The following NBDY variants were observed in gnomAD, a reference collection of about 807,000 sequenced individuals.
The protein encoded by NBDY is P-body dissociating protein.
intron 2 of NBDY, among the ~76,000 whole-genome samples, 200 bp downstream of exon 2, chrX:56,732,399 T>C (rs987724079): frequency 2.7e-5 from 3 of 112,098 alleles, no homozygotes; most frequent in African/African-American, 9.7e-5. Context: ...CTTGTACTTA[T>C]AGTTTCTATT....
At chrX:56,796,702 T>C (rs1206076194) in intron 2 of NBDY, among the ~76,000 whole-genome samples, 1 of 111,377 alleles carries the variant, frequency 9.0e-6, no homozygotes, top group African/African-American at 3.3e-5. Flanking sequence ...CTTGGCCTTG[T>C]AGGCTTGGGG....
At chrX:56,788,710 A>G (rs1319303993) in intron 2 of NBDY, among the ~76,000 whole-genome samples, 1 of 112,485 alleles carries the variant, frequency 8.9e-6, no homozygotes, top group African/African-American at 3.2e-5. Flanking sequence ...AGAAGAAACC[A>G]GAGTAAACCA....
chrX:56,733,228 A>G (rs940746539), intron 2 of NBDY, among the ~76,000 whole-genome samples: 1 of 109,940 alleles, frequency 9.1e-6, no homozygotes, highest in Non-Finnish European at 1.9e-5. Context: ...TTCTAATCAT[A>G]TGGGATTCCT....
At chrX:56,785,693 G>A (rs1273732688) in intron 2 of NBDY, among the ~76,000 whole-genome samples, 1 of 111,722 alleles carries the variant, frequency 9.0e-6, no homozygotes, top group Non-Finnish European at 1.9e-5. Flanking sequence ...TCGGGCTTAA[G>A]GGGCTGACAC....
intron 2 of NBDY, among the ~76,000 whole-genome samples, chrX:56,813,228 A>C (rs1218270998): frequency 9.0e-6 from 1 of 111,369 alleles, no homozygotes; most frequent in African/African-American, 3.3e-5. Context: ...GTGAAATGTC[A>C]TCGTGAATTC....
At chrX:56,732,949 TC>T (rs1212285481) in intron 2 of NBDY, among the ~76,000 whole-genome samples, 3 of 82,286 alleles carry the variant, frequency 3.6e-5, no homozygotes, top group African/African-American at 1.3e-4. Flanking sequence ...GATATTTGGT[TC>T]CTATTTTAAT....
chrX:56,762,115 C>T (rs2069640232), intron 2 of NBDY, among the ~76,000 whole-genome samples: 1 of 111,307 alleles, frequency 9.0e-6, no homozygotes, highest in Non-Finnish European at 1.9e-5. Context: ...ACTGGGATGT[C>T]ACTGTTGTCT....
chrX:56,732,237 GA>G, intron 2 of NBDY, 38 bp downstream of exon 2: 6 of 290,420 alleles, frequency 2.1e-5, no homozygotes, highest in South Asian at 2.1e-4. Context: ...AGGAGGAAGA[GA>G]AAAAAAAGAG....
At chrX:56,759,862 G>A (rs976695793) in intron 2 of NBDY, among the ~76,000 whole-genome samples, 10 of 111,745 alleles carry the variant, frequency 8.9e-5, no homozygotes, top group Non-Finnish European at 1.3e-4. Context: ...AGCATGAATC[G>A]CCCCGCCCCC....
intron 2 of NBDY, among the ~76,000 whole-genome samples, chrX:56,782,885 A>T (rs2069702699): frequency 8.9e-6 from 1 of 112,117 alleles, no homozygotes; most frequent in Non-Finnish European, 1.9e-5. Flanking sequence ...ATCAGAAATT[A>T]AATCACAAAC....
At chrX:56,764,717 A>G (rs2069656827) in intron 2 of NBDY, among the ~76,000 whole-genome samples, 1 of 107,706 alleles carries the variant, frequency 9.3e-6, no homozygotes, top group Non-Finnish European at 1.9e-5. Flanking sequence ...AAAAAAAAAA[A>G]AAAAAGAAAC....
intron 2 of NBDY, among the ~76,000 whole-genome samples, chrX:56,733,994 A>G (rs1385892453): frequency 4.4e-5 from 5 of 112,403 alleles, no homozygotes; most frequent in Admixed American, 2.8e-4. Context: ...GAATCTTTTC[A>G]TAAGTTAAAG....
At chrX:56,747,303 A>C (rs889169104) in intron 2 of NBDY, among the ~76,000 whole-genome samples, 2 of 112,026 alleles carry the variant, frequency 1.8e-5, no homozygotes, top group African/African-American at 6.5e-5. Context: ...GAGTTCTATA[A>C]GAGAATACAA....
At chrX:56,784,199 C>A (rs149258149) in intron 2 of NBDY, among the ~76,000 whole-genome samples, 1 of 112,204 alleles carries the variant, frequency 8.9e-6, no homozygotes, top group Non-Finnish European at 1.9e-5. Flanking sequence ...CTGAGGTGCA[C>A]GACACTTGTC....
intron 2 of NBDY, among the ~76,000 whole-genome samples, chrX:56,736,699 T>C: frequency 8.9e-6 from 1 of 112,901 alleles, no homozygotes; most frequent in Non-Finnish European, 1.9e-5. Flanking sequence ...AAAAGTATGA[T>C]TTGTTTTTGT....
At chrX:56,783,508 G>T (rs1212484956) in intron 2 of NBDY, among the ~76,000 whole-genome samples, 8 of 112,225 alleles carry the variant, frequency 7.1e-5, no homozygotes, top group East Asian at 5.6e-4. Flanking sequence ...GTGGGCTGAC[G>T]GGTCTTCAGG....
At chrX:56,758,264 C>T (rs1029339895) in intron 2 of NBDY, among the ~76,000 whole-genome samples, 4 of 104,720 alleles carry the variant, frequency 3.8e-5, no homozygotes, top group Admixed American at 2.1e-4. Flanking sequence ...TTCAGGGAGC[C>T]GAGATTGTGC....
chrX:56,767,618 G>A (rs2069674068), intron 2 of NBDY, among the ~76,000 whole-genome samples: 1 of 113,549 alleles, frequency 8.8e-6, no homozygotes, highest in African/African-American at 3.2e-5. Context: ...CCAGGGCAGT[G>A]AGGGGCTTAG....
intron 2 of NBDY, among the ~76,000 whole-genome samples, chrX:56,748,766 G>T (rs181202330): frequency 9.9e-6 from 1 of 101,386 alleles, no homozygotes; most frequent in Admixed American, 1.1e-4. Flanking sequence ...TAGCATTAAC[G>T]GTTTCCGTGT....
Sources: allele counts gnomAD v4.1 joint callset (sites outside exome capture counted in the v4.1 genomes callset), GRCh38; gene constraint gnomAD v4.1.1; transcripts MANE v1.5; gene names NCBI Gene and HGNC (gene_info 2026-07-23, HGNC 2026-07-21).